LRP1B: variants seen among roughly 807,000 people sequenced by gnomAD.
LRP1B encodes low-density lipoprotein receptor-related protein 1B.
LRP1B carries 217 observed loss-of-function variants against 556.6 expected under a neutral mutation model. That is an observed-to-expected ratio of 0.39 (90% CI 0.35 to 0.44). The LOEUF is 0.44. Among genes scored for constraint, LRP1B ranks in the 20% least tolerant of loss-of-function variants. The pLI, the probability that LRP1B is intolerant of heterozygous loss-of-function variation, is 1.00. For synonymous variants in LRP1B, 2,047 were observed against 1,865.8 expected (o/e 1.10, Z -2.50); for missense variants, 5,053 against 5,620.8 (o/e 0.90, Z 3.23).
chr2:140,475,342 G>A lies in LRP1B; in HGVS notation c.9426-5C>T, dbSNP rs2105348284. ...CAGTCAATCCAATACAAATATCTAG[G>A]AAAGAAAATCAATACTGATTTTGTT... On this transcript the variant is annotated splice_region_variant and splice_polypyrimidine_tract_variant and intron_variant, in intron 59 of 90. Coordinates refer to ENST00000389484, the MANE Select transcript of LRP1B (RefSeq NM_018557.3). The A allele has an allele frequency of 6.4e-7, 1 of 1,564,912 alleles. No homozygotes were observed. Among genetic ancestry groups the A allele is most frequent in the East Asian group, 2.3e-5 (1 of 43,002 alleles).
chr2:141,932,503 A>G (rs1413012482), intron 1 of LRP1B, among the ~76,000 whole-genome samples: 1 of 152,046 alleles, frequency 6.6e-6, no homozygotes, highest in Non-Finnish European at 1.5e-5. Flanking sequence ...CATCAGACCT[A>G]TAAAATAGAC....
At chr2:140,724,912 T>G (rs1687538465) in intron 35 of LRP1B, among the ~76,000 whole-genome samples, 1 of 152,222 alleles carries the variant, frequency 6.6e-6, no homozygotes, top group South Asian at 2.1e-4. Flanking sequence ...CATACATTTC[T>G]TCTTTAAAGG....
At chr2:140,791,633 AT>A (rs1690123903) in intron 32 of LRP1B, among the ~76,000 whole-genome samples, 2 of 152,044 alleles carry the variant, frequency 1.3e-5, no homozygotes, top group Non-Finnish European at 2.9e-5. Flanking sequence ...TTTTTTAGTA[AT>A]TTTTTAATAA....
intron 63 of LRP1B, 78 bp from the exon 64 acceptor site, chr2:140,444,757 A>G (rs745812146): frequency 1.2e-6 from 1 of 823,950 alleles, no homozygotes; most frequent in South Asian, 1.5e-5. Context: ...CTGACATTCA[A>G]GATATTTACT....
intron 1 of LRP1B, among the ~76,000 whole-genome samples, chr2:141,865,101 T>C (rs1236166679): frequency 6.6e-6 from 1 of 152,156 alleles, no homozygotes; most frequent in African/African-American, 2.4e-5. Flanking sequence ...GTAAATAAGC[T>C]GAAGAAACCC....
intron 1 of LRP1B, among the ~76,000 whole-genome samples, chr2:141,897,141 AGT>A (rs1031064550): frequency 4.3e-4 from 66 of 152,292 alleles, no homozygotes; most frequent in African/African-American, 1.6e-3. Flanking sequence ...TAGTCCTCTG[AGT>A]TTAGGTCAGA....
At chr2:141,479,288 A>C (rs910957429) in intron 3 of LRP1B, among the ~76,000 whole-genome samples, 6 of 152,312 alleles carry the variant, frequency 3.9e-5, no homozygotes, top group Non-Finnish European at 8.8e-5. Flanking sequence ...TCAGGCCCCC[A>C]GACAGGTTTT....
intron 2 of LRP1B, among the ~76,000 whole-genome samples, chr2:141,545,647 C>T (rs149434134): frequency 1.1e-3 from 171 of 152,118 alleles, no homozygotes; most frequent in African/African-American, 3.9e-3. Context: ...CAGTTTGAGA[C>T]AAGCCTGGAA....
intron 1 of LRP1B, among the ~76,000 whole-genome samples, chr2:142,040,149 A>G (rs1333459593): frequency 6.6e-6 from 1 of 151,290 alleles, no homozygotes; most frequent in Admixed American, 6.6e-5. Context: ...TAACTTGTCT[A>G]TATGTTTGGT....
At chr2:141,962,688 G>A (rs927673119) in intron 1 of LRP1B, among the ~76,000 whole-genome samples, 3 of 151,692 alleles carry the variant, frequency 2.0e-5, no homozygotes, top group Admixed American at 2.0e-4. Context: ...ACACTAAAAA[G>A]GCCACATAAA....
intron 27 of LRP1B, among the ~76,000 whole-genome samples, chr2:140,854,315 CAG>C (rs1455057259): frequency 6.6e-6 from 1 of 151,998 alleles, no homozygotes; most frequent in Non-Finnish European, 1.5e-5. Context: ...TTTTTGAAGG[CAG>C]AGATATTAAG....
At chr2:140,710,538 T>C (rs924996774) in intron 37 of LRP1B, among the ~76,000 whole-genome samples, 1 of 151,996 alleles carries the variant, frequency 6.6e-6, no homozygotes, top group African/African-American at 2.4e-5. Context: ...ATTTACATTT[T>C]AAAAACATGG....
At position 140,358,076 on chromosome 2, in the gene LRP1B, C is replaced by T. The variant is rs139687007; in HGVS notation, c.11298G>A (p.Glu3766=). 2 of 1,611,178 alleles carry T rather than the reference C, an allele frequency of 1.2e-6. No individual in the cohort carries two copies. The highest frequency in any genetic ancestry group is 2.7e-5 in the African/African-American group (2 of 74,712). Residue 3766 remains glutamate, a synonymous_variant, in exon 74 of 91, where the codon GAG becomes GAA. Transcript: ENST00000389484. ...TYKARPCKKD[E]FACSNKKCIP... ...TGCATTTTTTATTACTACAAGCAAA[C>T]TCATCCTTTTTACAAGGCCTTGCTT... is the stretch of plus-strand genomic sequence containing the variant.
intron 3 of LRP1B, among the ~76,000 whole-genome samples, chr2:141,397,188 T>C (rs1350649866): frequency 1.3e-5 from 2 of 148,732 alleles, no homozygotes; most frequent in Non-Finnish European, 3.0e-5. Flanking sequence ...GAGATGGTAC[T>C]TTGTGTTTCG....
chr2:141,201,801 T>C (rs1454994589), intron 6 of LRP1B, among the ~76,000 whole-genome samples: 1 of 152,186 alleles, frequency 6.6e-6, no homozygotes, highest in African/African-American at 2.4e-5. Context: ...TGAATACTTT[T>C]AGTGGACTGA....
chr2:141,412,958 G>A (rs1186665863), intron 3 of LRP1B, among the ~76,000 whole-genome samples: 1 of 152,116 alleles, frequency 6.6e-6, no homozygotes, highest in Non-Finnish European at 1.5e-5. Flanking sequence ...CAGTCTTGGT[G>A]GCTCATGCAT....
rs577447818 is a variant in LRP1B, at chr2:141,795,729, C to G, written c.205+14550G>C. 2.0e-5 allele frequency among the ~76,000 whole-genome samples: 3 copies of G among 151,360 alleles called. No homozygotes were observed. In the South Asian group the frequency reaches 6.3e-4, roughly 32 times the overall value. On this transcript the variant is annotated intron_variant, in intron 2 of 90. Coordinates refer to ENST00000389484, the MANE Select transcript of LRP1B (RefSeq NM_018557.3). The stretch of plus-strand genomic sequence containing the variant: ...AAGCCTGTTGCTTTACCTTACTGCA[C>G]TAGTATTTTATTTTTATTTTTTCTT...
intron 35 of LRP1B, among the ~76,000 whole-genome samples, chr2:140,763,244 C>A (rs1688991331): frequency 6.6e-6 from 1 of 151,880 alleles, no homozygotes; most frequent in African/African-American, 2.4e-5. Context: ...ATTGAAGTAA[C>A]CATGCCTTTA....
chr2:140,312,920 CTTATAAA>C (rs1309214760), intron 83 of LRP1B, among the ~76,000 whole-genome samples: 1 of 151,892 alleles, frequency 6.6e-6, no homozygotes, highest in Non-Finnish European at 1.5e-5. Context: ...CTGTCATAAA[CTTATAAA>C]TTATAATTAA....
Sources: allele counts gnomAD v4.1 joint callset (sites outside exome capture counted in the v4.1 genomes callset), GRCh38; gene constraint gnomAD v4.1.1; transcripts MANE v1.5; gene names NCBI Gene and HGNC (gene_info 2026-07-23, HGNC 2026-07-21).